NFIX: variants seen among roughly 807,000 people sequenced by gnomAD.
The protein encoded by NFIX is nuclear factor I X, also known as nuclear factor 1 X-type.
Under a neutral mutation model 53.3 loss-of-function variants are expected in NFIX, and 2 were observed. The observed-to-expected ratio is 0.04, with a 90% CI of 0.02 to 0.12. The LOEUF (loss-of-function observed/expected upper bound fraction) is 0.12. Among genes scored for constraint, NFIX ranks in the 10% least tolerant of loss-of-function variants. NFIX has a pLI of 1.00. For missense variants in NFIX, 310 were observed against 674.5 expected (o/e 0.46, Z 5.99); for synonymous variants, 244 against 289.0 (o/e 0.84, Z 1.58).
intron 1 of NFIX, among the ~76,000 whole-genome samples, chr19:13,017,984 T>C (rs1474215648): frequency 6.6e-6 from 1 of 152,148 alleles, no homozygotes; most frequent in African/African-American, 2.4e-5. Context: ...CTTCGGAAGG[T>C]TTCATCCCCA....
In NFIX at chr19:13,096,011, A is replaced by T. The variant is rs2145545769; in HGVS notation, c.*1362A>T. 1 of 152,452 alleles carries T rather than the reference A, an allele frequency of 6.6e-6. No homozygotes were observed. Among genetic ancestry groups the T allele is most frequent in the East Asian group, 1.9e-4 (1 of 5,148 alleles). 9.4% of individuals were successfully genotyped at this position (152,452 alleles called of 1,614,324 possible). A position where few individuals can be genotyped will look rare whatever the true frequency, so the allele number is the denominator to read the frequency against. On this transcript the variant is annotated 3_prime_UTR_variant, in exon 11 of 11. Transcript: ENST00000592199. The stretch of plus-strand genomic sequence containing the variant: ...ACCACAGGAAGTAGCTCTCCCCCCC[A>T]GCCCCCTCCTCCCTCAAGGGAGGGT...
chr19:13,004,790 C>T (rs1479520614), intron 1 of NFIX, among the ~76,000 whole-genome samples: 2 of 151,828 alleles, frequency 1.3e-5, no homozygotes, highest in East Asian at 3.9e-4. Flanking sequence ...TGGCAGCCAC[C>T]GAGAGAAGGG....
chr19:13,046,206 G>A (rs2014971151), intron 2 of NFIX, among the ~76,000 whole-genome samples: 1 of 152,142 alleles, frequency 6.6e-6, no homozygotes, highest in Non-Finnish European at 1.5e-5. Flanking sequence ...AGGAGTTCTC[G>A]GGAAAGAGGG....
At position 13,075,540 on chromosome 19, in the gene NFIX, C is replaced by T. The variant is rs1237300588; in HGVS notation, c.824C>T (p.Thr275Ile). The change falls in exon 6 of 11, where the codon ACC becomes ATC. Residue 275 changes from threonine to isoleucine, a missense_variant. Physicochemically the swap from Thr to Ile is moderately conservative, Grantham distance 89. Around this residue, in one of 5 missense-constraint regions of NFIX, gnomAD observed 164 missense variants for 284.4 expected, o/e 0.58. Coordinates refer to ENST00000592199, the MANE Select transcript of NFIX (RefSeq NM_001365902.3). ...SITSPPSTST[T>I]KRPKSIDDSE... ...ACCCTTTCTTTCTTCCCCAGCACCA[C>T]CAAGCGCCCCAAGTCCATCGATGAC... The T allele has an allele frequency of 2.5e-6, 4 of 1,613,684 alleles. No individual in the cohort carries two copies. The highest frequency in any genetic ancestry group is 3.4e-6 in the Non-Finnish European group (4 of 1,179,750).
In NFIX at chr19:13,018,341, G is replaced by C. The variant is rs866774134; in HGVS notation, c.28-6680G>C. On this transcript the variant is annotated intron_variant, in intron 1 of 10. Coordinates refer to ENST00000592199, the MANE Select transcript of NFIX (RefSeq NM_001365902.3). ...GGAGGAGAAAAGGAAGGGGCGGGGG[G>C]GGGGGGGGGGCGCGGTTTACAGGAG... 1.9e-4 allele frequency among the ~76,000 whole-genome samples: 23 copies of C among 118,068 alleles called. No homozygotes were observed. In the South Asian group the frequency reaches 5.2e-3, roughly 27 times the overall value. 77.5% of individuals were successfully genotyped at this position (118,068 alleles called of 152,430 possible). A position where few individuals can be genotyped will look rare whatever the true frequency, so the allele number is the denominator to read the frequency against.
Position 12,996,166 on chromosome 19 carries a change from TG to T in NFIX, c.27+303del. ...ACGTGTGTGTGTGTGTGTGTGTGTG[TG>T]TGTGCGCGCTCGACTGGGGTGCGAT... On this transcript the variant is annotated intron_variant, in intron 1 of 10. Transcript: ENST00000592199. The surrounding 1 kb of genome is among the most constrained non-coding windows in gnomAD (Gnocchi z 5.2). 2.6e-5 allele frequency among the ~76,000 whole-genome samples: 4 copies of T among 151,616 alleles called. No individual in the cohort carries two copies. The highest frequency in any genetic ancestry group is 6.6e-5 in the Admixed American group (1 of 15,234).
rs1599714097 is a variant in NFIX at position 13,009,923 on chromosome 19, G to T, written c.27+14059G>T. Among the ~76,000 whole-genome samples, 1 of 152,156 alleles carries T rather than the reference G, an allele frequency of 6.6e-6. No individual in the cohort carries two copies. The highest frequency in any genetic ancestry group is 1.9e-4 in the East Asian group (1 of 5,178). ...GGTCTTCAAAGGCAGAGAAGTCTCA[G>T]GACTTCAAACCAACAGCCTAACCCT... On this transcript the variant is annotated intron_variant, in intron 1 of 10. Coordinates refer to ENST00000592199, the MANE Select transcript of NFIX (RefSeq NM_001365902.3). The surrounding 1 kb of genome is among the most constrained non-coding windows in gnomAD (Gnocchi z 4.7).
intron 2 of NFIX, among the ~76,000 whole-genome samples, chr19:13,029,618 C>G (rs567626729): frequency 2.0e-5 from 3 of 152,234 alleles, no homozygotes; most frequent in East Asian, 3.9e-4. Flanking sequence ...TGCGCTGCCC[C>G]GAGTGATTCA....
chr19:13,075,069 A>T (rs1402391496), intron 5 of NFIX, among the ~76,000 whole-genome samples: 11 of 61,644 alleles, frequency 1.8e-4, no homozygotes, highest in Middle Eastern at 0.016. Context: ...GACTCCATCT[A>T]AAAAAAAAAA....
At chr19:12,997,590 T>G (rs2011516324) in intron 1 of NFIX, among the ~76,000 whole-genome samples, 1 of 152,184 alleles carries the variant, frequency 6.6e-6, no homozygotes, top group Non-Finnish European at 1.5e-5. Context: ...GCCTCTTTGG[T>G]GCTACACTTG....
rs953528900 is a variant in NFIX, at chr19:13,028,119, T to G, written c.559+2567T>G. Among the ~76,000 whole-genome samples, 1 of 152,194 alleles carries G rather than the reference T, an allele frequency of 6.6e-6. No homozygotes were observed. ...TTGAGCTGGCAAGAAATAAAAACAT[T>G]TCTTGCTTTGCTAGAAAATGTCTTC... On this transcript the variant is annotated intron_variant, in intron 2 of 10. Coordinates refer to ENST00000592199, the MANE Select transcript of NFIX (RefSeq NM_001365902.3). This position sits in a 1 kb window ranked among gnomAD's most constrained non-coding sequence, Gnocchi z 4.2.
In NFIX at chr19:13,023,630, CT is replaced by C. The variant is rs201731717; in HGVS notation, c.28-1376del. ...TGATTTTTAAATTTTGCATTTTTTT[CT>C]TTTTTTTTTTTTTTAAACTGGAAGA... On this transcript the variant is annotated intron_variant, in intron 1 of 10. Coordinates refer to ENST00000592199, the MANE Select transcript of NFIX (RefSeq NM_001365902.3). Among the ~76,000 whole-genome samples the C allele has an allele frequency of 9.0e-3, 1,152 of 128,566 alleles. 6 individuals carry two copies. Among genetic ancestry groups the C allele is most frequent in the African/African-American group, 0.024 (814 of 34,098 alleles). 84.3% of individuals were successfully genotyped at this position (128,566 alleles called of 152,430 possible). A position where few individuals can be genotyped will look rare whatever the true frequency, so the allele number is the denominator to read the frequency against.
chr19:13,072,899 G>A lies in NFIX; in HGVS notation c.560-148G>A, dbSNP rs2145429884. On this transcript the variant is annotated intron_variant, in intron 2 of 10. Coordinates refer to ENST00000592199, the MANE Select transcript of NFIX (RefSeq NM_001365902.3). The surrounding 1 kb of genome is among the most constrained non-coding windows in gnomAD (Gnocchi z 4.0). ...TTTGGGTCTCCCGGAGCCTCCTGGGGCTGGTTTGGGGAGAGGGTGGGGTGA... is the reference window on the plus strand; with the variant it reads ...TTTGGGTCTCCCGGAGCCTCCTGGGACTGGTTTGGGGAGAGGGTGGGGTGA... 3.9e-6 allele frequency: 3 copies of A among 765,970 alleles called. No homozygotes were observed. Among genetic ancestry groups the A allele is most frequent in the Admixed American group, 3.8e-5 (2 of 52,566 alleles). 47.4% of individuals were successfully genotyped at this position (765,970 alleles called of 1,614,324 possible).
chr19:13,075,491 C>A, intron 5 of NFIX, 44 bp from the exon 6 acceptor site: 1 of 1,606,332 alleles, frequency 6.2e-7, no homozygotes, highest in South Asian at 1.1e-5. Context: ...TCCCTGGAGC[C>A]TCAGCCCATC....
intron 2 of NFIX, among the ~76,000 whole-genome samples, chr19:13,059,762 G>T (rs1410502352): frequency 1.8e-4 from 23 of 129,772 alleles, no homozygotes; most frequent in South Asian, 5.4e-4. Context: ...TTTCTAATTT[G>T]ATTTAATTAG....
In NFIX at chr19:13,097,419, A is replaced by G. The variant is rs1461340102; in HGVS notation, c.*2770A>G. 1 of 152,618 alleles carries G rather than the reference A, an allele frequency of 6.6e-6. No individual in the cohort carries two copies. The highest frequency in any genetic ancestry group is 1.5e-5 in the Non-Finnish European group (1 of 68,012). 9.5% of individuals were successfully genotyped at this position (152,618 alleles called of 1,614,324 possible). On this transcript the variant is annotated 3_prime_UTR_variant, in exon 11 of 11. Transcript: ENST00000592199. Reference sequence around the variant, plus strand: ...AACATAAAACCCTGGTGCTTCTTACATTATAAAGTACGTTTTAAAGAACCC... The same window carrying G: ...AACATAAAACCCTGGTGCTTCTTACGTTATAAAGTACGTTTTAAAGAACCC...
Position 13,025,287 on chromosome 19 carries a change from G to A in NFIX, c.294G>A (p.Lys98=), listed in dbSNP as rs758414708. The stretch of plus-strand genomic sequence containing the variant: ...ACTTCGTGCTGACCATCACGGGCAA[G>A]AAGCCCCCCTGCTGCGTGCTCTCCA... ...REDFVLTITG[K]KPPCCVLSNP... The change falls in exon 2 of 11, where the codon AAG becomes AAA. Residue 98 remains lysine (K), a synonymous_variant. Transcript: ENST00000592199. This position sits in a 1 kb window ranked among gnomAD's most constrained non-coding sequence, Gnocchi z 7.5. 3.1e-6 allele frequency: 5 copies of A among 1,614,000 alleles called. No individual in the cohort carries two copies. Among genetic ancestry groups the A allele is most frequent in the Non-Finnish European group, 3.4e-6 (4 of 1,179,956 alleles).
At chr19:13,039,855 C>A (rs1237512404) in intron 2 of NFIX, among the ~76,000 whole-genome samples, 1 of 152,068 alleles carries the variant, frequency 6.6e-6, no homozygotes, top group Non-Finnish European at 1.5e-5. Flanking sequence ...ATTGAATTAC[C>A]TTCAGATGGG....
In NFIX at chr19:13,025,416, C is replaced by T; in HGVS notation, c.423C>T (p.Pro141=). Residue 141 remains proline, a synonymous_variant, in exon 2 of 11, where the codon CCC becomes CCT. Transcript: ENST00000592199. The surrounding 1 kb of genome is among the most constrained non-coding windows in gnomAD (Gnocchi z 7.5). ...TGGTGATTTTGTTTAAGGGGATCCC[C>T]CTGGAAAGTACTGATGGGGAGCGGC... ...LVMVILFKGI[P]LESTDGERLY... 4 of 1,614,062 alleles carry T rather than the reference C, an allele frequency of 2.5e-6. No individual in the cohort carries two copies. Among genetic ancestry groups the T allele is most frequent in the Non-Finnish European group, 3.4e-6 (4 of 1,179,920 alleles).
Sources: allele counts gnomAD v4.1 joint callset (sites outside exome capture counted in the v4.1 genomes callset), GRCh38; gene constraint gnomAD v4.1.1; regional missense constraint gnomAD v4.1.1; non-coding constraint Gnocchi (gnomAD v3.1); transcripts MANE v1.5; gene names NCBI Gene and HGNC (gene_info 2026-07-23, HGNC 2026-07-21).